The following RFC3 variants were observed in gnomAD, a reference collection of about 807,000 sequenced individuals.
RFC3 encodes replication factor C subunit 3, also known as A1 38 kDa subunit.
RFC3 carries 41 observed loss-of-function variants against 45.1 expected under a neutral mutation model. The ratio of observed to expected loss-of-function variants is 0.91; its 90% CI spans 0.71 to 1.18. RFC3 has a LOEUF of 1.18. RFC3 is among the 50% of genes most tolerant of loss of function. The pLI is 0.00. For synonymous variants in RFC3, 149 were observed against 144.0 expected (o/e 1.03, Z -0.25); for missense variants, 423 against 428.1 (o/e 0.99, Z 0.10).
chr13:33,880,157 ACATAGAAT>A (rs1233745827), intron 8 of RFC3, among the ~76,000 whole-genome samples: 1 of 152,200 alleles, frequency 6.6e-6, no homozygotes, highest in African/African-American at 2.4e-5. Context: ...GAGGATTAGG[ACATAGAAT>A]CTTTGGGGCA....
intron 8 of RFC3, among the ~76,000 whole-genome samples, chr13:33,927,856 A>G (rs555922583): frequency 5.3e-5 from 8 of 152,212 alleles, no homozygotes; most frequent in East Asian, 1.9e-4. Flanking sequence ...GGGTGGCCCT[A>G]TAATACCAAG....
chr13:33,939,385 A>T (rs1490084422), intron 8 of RFC3, among the ~76,000 whole-genome samples: 1 of 152,028 alleles, frequency 6.6e-6, no homozygotes, highest in Non-Finnish European at 1.5e-5. Context: ...AAAACTCTTG[A>T]CAGTGAGGCT....
intron 4 of RFC3, 84 bp from the exon 5 acceptor site, chr13:33,829,752 C>T: frequency 9.4e-7 from 1 of 1,060,970 alleles, no homozygotes; most frequent in Non-Finnish European, 1.5e-6. Flanking sequence ...AGGATTTCAT[C>T]CTGGATAATG....
intron 8 of RFC3, among the ~76,000 whole-genome samples, chr13:33,936,646 T>A (rs1465043200): frequency 6.6e-6 from 1 of 152,004 alleles, no homozygotes; most frequent in Non-Finnish European, 1.5e-5. Flanking sequence ...ATATAAAAGA[T>A]TGCTAGCAAA....
intron 8 of RFC3, among the ~76,000 whole-genome samples, chr13:33,951,439 G>A (rs1026005247): frequency 1.1e-4 from 16 of 151,998 alleles, no homozygotes; most frequent in African/African-American, 3.6e-4. Flanking sequence ...CACCGTGTGA[G>A]CCAGGATGGT....
chr13:33,878,204 G>C (rs1056189116), intron 8 of RFC3, among the ~76,000 whole-genome samples: 3 of 152,108 alleles, frequency 2.0e-5, no homozygotes, highest in African/African-American at 7.2e-5. Flanking sequence ...ATCAAGGGAC[G>C]TGTCTTTGTA....
chr13:33,831,149 G>C (rs931049485), intron 6 of RFC3, 107 bp from the exon 7 acceptor site: 4 of 705,324 alleles, frequency 5.7e-6, no homozygotes, highest in Non-Finnish European at 1.0e-5. Context: ...GCTCACTCCT[G>C]CTGTGCAGCC....
Position 33,943,330 on chromosome 13 carries a change from T to G in RFC3, c.880-22757T>G, listed in dbSNP as rs187620754. 3.5e-3 allele frequency among the ~76,000 whole-genome samples: 536 copies of G among 152,328 alleles called. 3 individuals carry two copies. The highest frequency in any genetic ancestry group is 4.0e-3 in the Non-Finnish European group (275 of 68,034). ...GCCTACAGGAAATAGAAGCCTGTACTAGTTTTCTGTTGCTGCTTAATAGAT... is the reference window on the plus strand; with the variant it reads ...GCCTACAGGAAATAGAAGCCTGTACGAGTTTTCTGTTGCTGCTTAATAGAT... On this transcript the variant is annotated intron_variant, in intron 8 of 8. Transcript: ENST00000434425.
chr13:33,889,318 A>G (rs759750266), intron 8 of RFC3, among the ~76,000 whole-genome samples: 14 of 152,138 alleles, frequency 9.2e-5, no homozygotes, highest in Non-Finnish European at 1.8e-4. Context: ...CTTTAGTAAG[A>G]TTTTTTAGCT....
chr13:33,846,469 G>A (rs763243504), intron 8 of RFC3: 9 of 152,210 alleles, frequency 5.9e-5, no homozygotes, highest in Non-Finnish European at 1.2e-4. Flanking sequence ...TGGCTGAGCA[G>A]GTCTCCAAGT....
At chr13:33,900,833 C>A (rs1297352833) in intron 8 of RFC3, among the ~76,000 whole-genome samples, 2 of 140,896 alleles carry the variant, frequency 1.4e-5, no homozygotes, top group Admixed American at 7.0e-5. Flanking sequence ...AACTGAATAG[C>A]AAAAAAAAAA....
intron 8 of RFC3, among the ~76,000 whole-genome samples, chr13:33,874,376 G>A (rs577805759): frequency 3.3e-5 from 5 of 152,310 alleles, no homozygotes; most frequent in African/African-American, 9.6e-5. Flanking sequence ...GGAGTGCAGT[G>A]GTGCAGTCTC....
chr13:33,836,519 A>C lies in RFC3; in HGVS notation c.*224A>C. ...TAACTTAGAGACTTTAGAGTCTAAG[A>C]AAATGATCTTAATTTACTTTAAGCA... On this transcript the variant is annotated 3_prime_UTR_variant, in exon 9 of 9. Coordinates refer to ENST00000380071, the MANE Select transcript of RFC3 (RefSeq NM_002915.4). 1 of 1,242,998 alleles carries C rather than the reference A, an allele frequency of 8.0e-7. No individual in the cohort carries two copies. Among genetic ancestry groups the C allele is most frequent in the South Asian group, 2.9e-5 (1 of 34,468 alleles). The allele number at this position is 1,242,998 out of a possible 1,614,324, so 77.0% of individuals were successfully genotyped here.
rs149186947 is a variant in RFC3 at position 33,949,116 on chromosome 13, C to T, written c.880-16971C>T. Among the ~76,000 whole-genome samples, 533 of 152,188 alleles carry T rather than the reference C, an allele frequency of 3.5e-3. 3 individuals are homozygous for T. Among genetic ancestry groups the T allele is most frequent in the African/African-American group, 0.012 (501 of 41,536 alleles). On this transcript the variant is annotated intron_variant, in intron 8 of 8. Transcript: ENST00000434425. ...CCAAATCTCACCTTTCCCCACGTGTCAAGTGTGGGAACAGGTAGAGGTAAT... is the reference window on the plus strand; with the variant it reads ...CCAAATCTCACCTTTCCCCACGTGTTAAGTGTGGGAACAGGTAGAGGTAAT...
intron 8 of RFC3, among the ~76,000 whole-genome samples, chr13:33,886,074 C>G (rs748766220): frequency 2.0e-5 from 3 of 151,984 alleles, no homozygotes; most frequent in Non-Finnish European, 4.4e-5. Flanking sequence ...CTGCCTGACT[C>G]TCTTCTTGTA....
At position 33,909,008 on chromosome 13, in the gene RFC3, A is replaced by G. The variant is rs553012272; in HGVS notation, c.880-57079A>G. The stretch of plus-strand genomic sequence containing the variant: ...GAAAGCCATCAGCTTTACATAGTCT[A>G]CTGATTCAAATGTTAATCTTATCCA... On this transcript the variant is annotated intron_variant, in intron 8 of 8. Coordinates refer to the RFC3 transcript ENST00000434425. Among the ~76,000 whole-genome samples, 5 of 152,208 alleles carry G rather than the reference A, an allele frequency of 3.3e-5. No individual in the cohort carries two copies. The South Asian group carries it at 8.3e-4, about 25-fold the overall frequency.
At chr13:33,920,388 C>T (rs949170772) in intron 8 of RFC3, among the ~76,000 whole-genome samples, 8 of 146,962 alleles carry the variant, frequency 5.4e-5, no homozygotes, top group African/African-American at 1.5e-4. Context: ...TTCACCCTTG[C>T]ATGTGTGAGT....
chr13:33,945,080 G>A (rs1028192699), intron 8 of RFC3, among the ~76,000 whole-genome samples: 1 of 152,112 alleles, frequency 6.6e-6, no homozygotes, highest in African/African-American at 2.4e-5. Flanking sequence ...CTTGCCCTGT[G>A]GATCAGACTC....
At chr13:33,924,023 G>A (rs941583801) in intron 8 of RFC3, among the ~76,000 whole-genome samples, 8 of 152,064 alleles carry the variant, frequency 5.3e-5, no homozygotes, top group South Asian at 2.1e-4. Flanking sequence ...AGGGCTCAGC[G>A]CTTTCTTAGA....
Sources: allele counts gnomAD v4.1 joint callset (sites outside exome capture counted in the v4.1 genomes callset), GRCh38; gene constraint gnomAD v4.1.1; transcripts MANE v1.5; gene names NCBI Gene and HGNC (gene_info 2026-07-23, HGNC 2026-07-21).